The following RSU1 variants were observed in gnomAD, a reference collection of about 807,000 sequenced individuals.
RSU1 encodes the protein Ras suppressor protein 1.
In RSU1, 26 loss-of-function variants were observed where a neutral mutation model predicts 31.1. The ratio of observed to expected loss-of-function variants is 0.84; its 90% CI spans 0.61 to 1.16. The LOEUF (loss-of-function observed/expected upper bound fraction) is 1.16. RSU1 is among the 50% of genes most tolerant of loss of function. RSU1 has a pLI of 0.00. For missense variants in RSU1, 320 were observed against 339.1 expected, an observed-to-expected ratio of 0.94 and a Z score of 0.44; for synonymous variants, 164 against 136.3, an observed-to-expected ratio of 1.20 and a Z score of -1.41.
intron 3 of RSU1, among the ~76,000 whole-genome samples, chr10:16,773,528 C>T (rs1297690519): frequency 6.6e-6 from 1 of 152,236 alleles, no homozygotes; most frequent in Non-Finnish European, 1.5e-5. Context: ...CAAGTGCACA[C>T]ACAGATCACT....
intron 8 of RSU1, among the ~76,000 whole-genome samples, chr10:16,656,428 G>GT (rs1272953633): frequency 6.6e-6 from 1 of 152,072 alleles, no homozygotes; most frequent in East Asian, 1.9e-4. Context: ...GTTTCCAATT[G>GT]TTAGTATTAC....
chr10:16,640,650 C>T (rs1056312015), intron 8 of RSU1, among the ~76,000 whole-genome samples: 4 of 152,222 alleles, frequency 2.6e-5, no homozygotes, highest in Admixed American at 6.5e-5. Context: ...ACAGGGCCTT[C>T]GCATGTGTGC....
chr10:16,804,695 T>C (rs1838228236), intron 2 of RSU1, among the ~76,000 whole-genome samples: 1 of 152,200 alleles, frequency 6.6e-6, no homozygotes. Context: ...TGCATGTTGC[T>C]AAGCAAAAGT....
At chr10:16,694,980 T>A (rs746499600) in intron 8 of RSU1, 43 bp downstream of exon 8, 2 of 1,549,784 alleles carry the variant, frequency 1.3e-6, no homozygotes, top group Non-Finnish European at 1.8e-6. Context: ...ATAAATACTA[T>A]AAAATCACAG....
At chr10:16,670,222 G>A (rs946149075) in intron 8 of RSU1, among the ~76,000 whole-genome samples, 1 of 152,132 alleles carries the variant, frequency 6.6e-6, no homozygotes, top group Admixed American at 6.6e-5. Flanking sequence ...AAAGCGCAGG[G>A]GCTAGCAAAC....
rs553696951 is a variant in RSU1 at position 16,756,355 on chromosome 10, A to T, written c.282-1366T>A. On this transcript the variant is annotated intron_variant, in intron 4 of 8. Transcript: ENST00000345264. ...TTTATCACAACCTAAAAAATTTTTA[A>T]ATCATACAATTGACCCTTGAGCAAC... Among the ~76,000 whole-genome samples the T allele has an allele frequency of 2.0e-5, 3 of 152,288 alleles. No individual in the cohort carries two copies. In the East Asian group the frequency reaches 5.8e-4, roughly 29 times the overall value.
intron 8 of RSU1, among the ~76,000 whole-genome samples, chr10:16,654,462 G>C (rs1834738455): frequency 6.6e-6 from 1 of 151,224 alleles, no homozygotes; most frequent in South Asian, 2.1e-4. Flanking sequence ...TTGAGGTCAG[G>C]AGTTTGAGAC....
intron 8 of RSU1, among the ~76,000 whole-genome samples, chr10:16,596,664 A>G (rs1385108841): frequency 6.6e-6 from 1 of 152,172 alleles, no homozygotes; most frequent in Non-Finnish European, 1.5e-5. Context: ...CCTTATCCGC[A>G]CAGAGCAAAA....
chr10:16,628,349 T>C (rs779602970), intron 8 of RSU1, among the ~76,000 whole-genome samples: 13 of 152,338 alleles, frequency 8.5e-5, no homozygotes, highest in South Asian at 2.1e-4. Context: ...ACATTATTCA[T>C]ACCACGTGCT....
At chr10:16,777,822 A>C (rs996417792) in intron 3 of RSU1, among the ~76,000 whole-genome samples, 7 of 152,266 alleles carry the variant, frequency 4.6e-5, no homozygotes, top group Admixed American at 4.6e-4. Flanking sequence ...AGGGGCAGGA[A>C]GGAAAAGCAA....
intron 8 of RSU1, among the ~76,000 whole-genome samples, chr10:16,654,361 C>CAAAAAAAAAAAAAAA (rs536600415): frequency 2.2e-5 from 2 of 92,262 alleles, no homozygotes; most frequent in African/African-American, 7.5e-5. Context: ...CCTAAATTTG[C>CAAAAAAAAAAAAAAA]AAAAAAAAAA....
rs780006260 is a variant in RSU1 at position 16,593,447 on chromosome 10, T to C, written c.781A>G (p.Asn261Asp). ...CGGCTGATCTTTTTCGATTTGTCAT[T>C]ATTCTTCTTCGGTGGTTCTGGGTTG... ...QANPEPPKKNNDKSKKISRKP... is the reference protein window; with the variant it reads ...QANPEPPKKNDDKSKKISRKP... The change falls in exon 9 of 9, where the codon AAT becomes GAT. Residue 261 changes from asparagine (N) to aspartate (D), a missense_variant. By Grantham distance (23) the Asn-to-Asp change is conservative. Coordinates refer to ENST00000345264, the MANE Select transcript of RSU1 (RefSeq NM_012425.4). The C allele has an allele frequency of 3.1e-6, 5 of 1,614,144 alleles. No homozygotes were observed. In the East Asian group the frequency reaches 6.7e-5, roughly 22 times the overall value.
intron 8 of RSU1, among the ~76,000 whole-genome samples, chr10:16,680,172 G>A (rs936110238): frequency 1.2e-4 from 18 of 151,914 alleles, no homozygotes; most frequent in African/African-American, 4.1e-4. Flanking sequence ...GTGAGACATC[G>A]CACAAAGCCA....
intron 8 of RSU1, among the ~76,000 whole-genome samples, chr10:16,621,854 C>A (rs1406573300): frequency 6.6e-6 from 1 of 152,130 alleles, no homozygotes; most frequent in Non-Finnish European, 1.5e-5. Flanking sequence ...GGGGACACAG[C>A]CAAACCATAT....
At chr10:16,602,752 T>C (rs1190505675) in intron 8 of RSU1, among the ~76,000 whole-genome samples, 1 of 152,198 alleles carries the variant, frequency 6.6e-6, no homozygotes, top group Non-Finnish European at 1.5e-5. Flanking sequence ...AGAACCAATT[T>C]TAAAATCTCA....
At chr10:16,654,459 C>A (rs1435347753) in intron 8 of RSU1, among the ~76,000 whole-genome samples, 2 of 149,350 alleles carry the variant, frequency 1.3e-5, no homozygotes, top group African/African-American at 4.9e-5. Flanking sequence ...CACTTGAGGT[C>A]AGGAGTTTGA....
At chr10:16,611,531 C>T (rs1187174788) in intron 8 of RSU1, among the ~76,000 whole-genome samples, 1 of 152,210 alleles carries the variant, frequency 6.6e-6, no homozygotes, top group Non-Finnish European at 1.5e-5. Flanking sequence ...CTTTTGACAA[C>T]TGTTGATTTG....
At chr10:16,781,271 C>A (rs1439042446) in intron 3 of RSU1, among the ~76,000 whole-genome samples, 1 of 152,128 alleles carries the variant, frequency 6.6e-6, no homozygotes. Flanking sequence ...AACGGCCCAT[C>A]ATGCACACAA....
intron 7 of RSU1, among the ~76,000 whole-genome samples, chr10:16,731,771 G>T (rs896304150): frequency 6.6e-6 from 1 of 151,354 alleles, no homozygotes; most frequent in South Asian, 2.1e-4. Flanking sequence ...TTATAGGCTT[G>T]GTCATTGATC....
Sources: allele counts gnomAD v4.1 joint callset (sites outside exome capture counted in the v4.1 genomes callset), GRCh38; gene constraint gnomAD v4.1.1; transcripts MANE v1.5; gene names NCBI Gene and HGNC (gene_info 2026-07-23, HGNC 2026-07-21).